DNAH14: variants seen among roughly 807,000 people sequenced by gnomAD.
The protein encoded by DNAH14 is dynein axonemal heavy chain 14.
DNAH14 carries 478 observed loss-of-function variants against 520.9 expected under a neutral mutation model. The ratio of observed to expected loss-of-function variants is 0.92; its 90% CI spans 0.85 to 0.99. DNAH14 has a LOEUF of 0.99. Among genes scored for constraint, DNAH14 ranks in the 50% least tolerant of loss-of-function variants. DNAH14 has a pLI of 0.00. For synonymous variants in DNAH14, 1,581 were observed against 1,757.2 expected (o/e 0.90, Z 2.51); for missense variants, 4,831 against 5,234.5 (o/e 0.92, Z 2.38).
chr1:225,335,992 C>T (rs1310243937), intron 66 of DNAH14, among the ~76,000 whole-genome samples: 2 of 133,582 alleles, frequency 1.5e-5, no homozygotes, highest in South Asian at 2.5e-4. Flanking sequence ...TATATACACA[C>T]ATATGCATAT....
At chr1:225,174,118 G>T (rs1228705950) in intron 36 of DNAH14, among the ~76,000 whole-genome samples, 1 of 152,098 alleles carries the variant, frequency 6.6e-6, no homozygotes, top group African/African-American at 2.4e-5. Context: ...TTGTGGGGTT[G>T]GGGGAGAGGG....
chr1:225,335,378 T>TGCAC (rs1558428099), intron 66 of DNAH14, among the ~76,000 whole-genome samples: 922 of 47,440 alleles, frequency 0.019, 190 homozygotes, highest in East Asian at 0.094. Flanking sequence ...CATGTGTGTG[T>TGCAC]ATATGCACAT....
Position 225,265,260 on chromosome 1 carries a change from C to G in DNAH14, c.7301C>G (p.Ser2434Cys), listed in dbSNP as rs748503465. The G allele has an allele frequency of 5.7e-5, 88 of 1,542,074 alleles. 1 individual carries two copies. Among genetic ancestry groups the G allele is most frequent in the South Asian group, 3.4e-4 (28 of 81,538 alleles). ...AATGATCATAAAGGAGTTGTAGTCTCTACAATAAATTTTAGCACCAATGTA... is the reference window on the plus strand; with the variant it reads ...AATGATCATAAAGGAGTTGTAGTCTGTACAATAAATTTTAGCACCAATGTA... ...KNNDHKGVVV[S>C]TINFSTNVTA... is the part of the protein sequence containing the mutation. The change falls in exon 48 of 86, where the codon TCT (serine) becomes TGT (cysteine). Residue 2434 changes from serine to cysteine, a missense_variant. Physicochemically the swap from Ser to Cys is moderately radical, Grantham distance 112 (BLOSUM62 -1). Coordinates refer to ENST00000682510, the MANE Select transcript of DNAH14 (RefSeq NM_001367479.1).
intron 66 of DNAH14, among the ~76,000 whole-genome samples, chr1:225,335,971 GTACATATGTGTATATACACACATA>G (rs1245347963): frequency 7.0e-6 from 1 of 142,352 alleles, no homozygotes; most frequent in Non-Finnish European, 1.5e-5. Flanking sequence ...ATACATATAT[GTACATATGTGTATATACACACATA>G]TGCATATATG....
At chr1:225,156,712 T>C (rs1412587932) in intron 34 of DNAH14, among the ~76,000 whole-genome samples, 15 of 94,790 alleles carry the variant, frequency 1.6e-4, no homozygotes, top group Non-Finnish European at 1.8e-4. Flanking sequence ...TAAAATTCTT[T>C]TTTTTTTTTT....
At chr1:225,179,150 G>A (rs2083676336) in intron 36 of DNAH14, among the ~76,000 whole-genome samples, 1 of 152,018 alleles carries the variant, frequency 6.6e-6, no homozygotes, top group South Asian at 2.1e-4. Context: ...TCATATTGCA[G>A]TCAATCTCTC....
intron 83 of DNAH14, 41 bp downstream of exon 83, chr1:225,389,914 G>A (rs974173709): frequency 5.2e-6 from 8 of 1,540,284 alleles, no homozygotes; most frequent in Non-Finnish European, 7.0e-6. Context: ...CCTGGCCCAG[G>A]CAAGTTTGCA....
chr1:225,140,648 C>A, intron 27 of DNAH14, 120 bp from the exon 28 acceptor site: 1 of 807,046 alleles, frequency 1.2e-6, no homozygotes, highest in Non-Finnish European at 1.8e-6. Context: ...CTTACACAAA[C>A]ACTTACATAC....
At chr1:225,076,067 G>A (rs955502059) in intron 17 of DNAH14, among the ~76,000 whole-genome samples, 2 of 152,092 alleles carry the variant, frequency 1.3e-5, no homozygotes, top group Admixed American at 1.3e-4. Context: ...GTATCCCTGG[G>A]GGCCAGCCTA....
intron 43 of DNAH14, among the ~76,000 whole-genome samples, chr1:225,243,795 A>G (rs560729682): frequency 1.3e-5 from 2 of 152,136 alleles, no homozygotes; most frequent in Admixed American, 1.3e-4. Flanking sequence ...ATCTGCAAAC[A>G]GGACAATTTG....
At chr1:225,026,967 ATT>A (rs34999252) in intron 11 of DNAH14, among the ~76,000 whole-genome samples, 2,158 of 151,892 alleles carry the variant, frequency 0.014, 38 homozygotes, top group African/African-American at 0.049. Flanking sequence ...TGAATCATGC[ATT>A]TTTTTTGGTA....
chr1:225,039,567 A>G (rs2067260180), intron 12 of DNAH14, among the ~76,000 whole-genome samples: 1 of 151,242 alleles, frequency 6.6e-6, no homozygotes, highest in Non-Finnish European at 1.5e-5. Context: ...ATAAATATGA[A>G]AATTCTCTTT....
intron 64 of DNAH14, among the ~76,000 whole-genome samples, chr1:225,327,160 C>CTTT (rs10712547): frequency 6.9e-6 from 1 of 144,026 alleles, no homozygotes; most frequent in Non-Finnish European, 1.5e-5. Flanking sequence ...AAATTAGTAA[C>CTTT]TTTTTTTTTT....
intron 75 of DNAH14, among the ~76,000 whole-genome samples, chr1:225,364,169 T>C (rs2095525743): frequency 6.6e-6 from 1 of 152,240 alleles, no homozygotes; most frequent in African/African-American, 2.4e-5. Flanking sequence ...TTACTGGTGA[T>C]ATTAACTTTG....
intron 41 of DNAH14, among the ~76,000 whole-genome samples, chr1:225,229,394 T>G (rs536063227): frequency 1.2e-4 from 18 of 152,272 alleles, no homozygotes; most frequent in African/African-American, 4.3e-4. Context: ...GAAATACCAT[T>G]TGACTCAACA....
At chr1:225,359,818 A>G (rs1025688625) in intron 74 of DNAH14, among the ~76,000 whole-genome samples, 11 of 152,258 alleles carry the variant, frequency 7.2e-5, no homozygotes, top group Admixed American at 6.5e-5. Context: ...TATCCAAAGT[A>G]TTATACAACA....
At chr1:225,245,865 A>AT in intron 43 of DNAH14, among the ~76,000 whole-genome samples, 1 of 152,174 alleles carries the variant, frequency 6.6e-6, no homozygotes, top group African/African-American at 2.4e-5. Flanking sequence ...CAGAATTAGG[A>AT]AAAACTACTT....
chr1:225,216,169 G>A (rs1559320946), intron 41 of DNAH14, among the ~76,000 whole-genome samples: 1 of 152,092 alleles, frequency 6.6e-6, no homozygotes, highest in Non-Finnish European at 1.5e-5. Flanking sequence ...TAGTTTGGCT[G>A]GATATGAAAT....
At chr1:225,334,550 A>G (rs748360594) in intron 66 of DNAH14, among the ~76,000 whole-genome samples, 7 of 152,316 alleles carry the variant, frequency 4.6e-5, no homozygotes, top group Non-Finnish European at 8.8e-5. Context: ...TTAAATGGCT[A>G]TGTATCTATC....
Sources: allele counts gnomAD v4.1 joint callset (sites outside exome capture counted in the v4.1 genomes callset), GRCh38; gene constraint gnomAD v4.1.1; transcripts MANE v1.5; gene names NCBI Gene and HGNC (gene_info 2026-07-23, HGNC 2026-07-21).